The following ZNF208 variants were observed in gnomAD, a reference collection of about 807,000 sequenced individuals.
ZNF208 encodes zinc finger protein 95.
ZNF208 carries 10 observed loss-of-function variants against 12.1 expected under a neutral mutation model. That is an observed-to-expected ratio of 0.83 (90% CI 0.51 to 1.40). The LOEUF (loss-of-function observed/expected upper bound fraction) is 1.40, where lower values mean the gene tolerates loss of function less well. Among genes scored for constraint, ZNF208 ranks in the 40% most tolerant of loss-of-function variants. The pLI is 0.00. For missense variants in ZNF208, 1,652 were observed against 1,485.0 expected, an observed-to-expected ratio of 1.11 and a Z score of -1.85; for synonymous variants, 497 against 488.4, an observed-to-expected ratio of 1.02 and a Z score of -0.23.
chr19:21,987,086 A>G (rs1970640333), intron 3 of ZNF208, 130 bp downstream of exon 3: 2 of 920,968 alleles, frequency 2.2e-6, no homozygotes, highest in Non-Finnish European at 3.1e-6. Flanking sequence ...AAATTAAAGA[A>G]TAAAAATAAA....
At chr19:21,989,740 A>G (rs1970696754) in intron 1 of ZNF208, among the ~76,000 whole-genome samples, 1 of 152,188 alleles carries the variant, frequency 6.6e-6, no homozygotes, top group South Asian at 2.1e-4. Flanking sequence ...CCTCTCCAGC[A>G]CCTGTTGTTT....
intron 4 of ZNF208, among the ~76,000 whole-genome samples, chr19:21,950,812 A>G (rs910388157): frequency 5.9e-5 from 9 of 152,118 alleles, no homozygotes; most frequent in African/African-American, 2.2e-4. Flanking sequence ...CTGTTCATAA[A>G]AGGCCTCAAC....
In ZNF208 at chr19:22,010,822, C is replaced by T; in HGVS notation, c.-28G>A. ...CTAGGCTTCCAGGGGGTCCTGGCGA[C>T]TTAGTTGTGGATCTCCCAATACCTG... On this transcript the variant is annotated 5_prime_UTR_variant, in exon 1 of 4. Transcript: ENST00000397126. 6.2e-7 allele frequency: 1 copy of T among 1,614,018 alleles called. No individual in the cohort carries two copies. The highest frequency in any genetic ancestry group is 8.5e-7 in the Non-Finnish European group (1 of 1,179,922).
intron 3 of ZNF208, among the ~76,000 whole-genome samples, chr19:21,978,314 T>G (rs537166883): frequency 4.6e-5 from 7 of 152,130 alleles, no homozygotes; most frequent in Non-Finnish European, 1.0e-4. Flanking sequence ...AGACACCTCG[T>G]ACAAGAGAGC....
chr19:21,943,495 G>C (rs986840838), intron 4 of ZNF208, among the ~76,000 whole-genome samples: 1 of 152,138 alleles, frequency 6.6e-6, no homozygotes, highest in African/African-American at 2.4e-5. Flanking sequence ...GAATTAACAT[G>C]TCCACATCTT....
chr19:21,991,391 AC>A (rs2145570914), intron 1 of ZNF208: 2 of 152,350 alleles, frequency 1.3e-5, no homozygotes, highest in African/African-American at 4.8e-5. Flanking sequence ...TAAAGTATAA[AC>A]TGAGGGCATA....
chr19:21,995,672 T>G (rs1970822839), intron 1 of ZNF208, among the ~76,000 whole-genome samples: 1 of 152,192 alleles, frequency 6.6e-6, no homozygotes, highest in Non-Finnish European at 1.5e-5. Flanking sequence ...AGCTGTTGGG[T>G]AAGTAGAAGG....
intron 4 of ZNF208, among the ~76,000 whole-genome samples, chr19:21,947,066 A>G (rs181264020): frequency 1.3e-5 from 2 of 151,870 alleles, no homozygotes; most frequent in Non-Finnish European, 2.9e-5. Flanking sequence ...AATCATGCTG[A>G]GTAAAGTCAG....
Position 21,969,946 on chromosome 19 carries a change from G to T in ZNF208, c.*1245C>A, listed in dbSNP as rs1485162244. 6.6e-6 allele frequency among the ~76,000 whole-genome samples: 1 copy of T among 152,086 alleles called. No homozygotes were observed. The highest frequency in any genetic ancestry group is 1.5e-5 in the Non-Finnish European group (1 of 68,002). On this transcript the variant is annotated 3_prime_UTR_variant, in exon 4 of 4. Coordinates refer to ENST00000397126, the MANE Select transcript of ZNF208 (RefSeq NM_007153.3). ...CCAGACAGTCTCTCTCTGTTGCCCA[G>T]GCTAGTGTAAATGCTTTCCTTTGCA... is the stretch of plus-strand genomic sequence containing the variant.
At chr19:22,010,692 G>A in intron 1 of ZNF208, 100 bp downstream of exon 1, 2 of 1,576,442 alleles carry the variant, frequency 1.3e-6, no homozygotes, top group South Asian at 1.1e-5. Context: ...CACAGATGTG[G>A]AGCTGACTGC....
At position 21,971,865 on chromosome 19, in the gene ZNF208, AG is replaced by A. The variant is rs1323537174; in HGVS notation, c.3168del (p.Tyr1057ThrfsTer77). On this transcript the variant is annotated frameshift_variant, in exon 4 of 4. Coordinates refer to ENST00000397126, the MANE Select transcript of ZNF208 (RefSeq NM_007153.3). LOFTEE classifies it low-confidence loss of function (END_TRUNC). ...EHKATHAGEK[P>X]YKCEECGKAF... is the part of the protein sequence containing the mutation. ...GCTTTGCCACATTCTTCACATTTGT[AG>A]GGTTTTTCTCCAGCATGAGTTGCCT... The A allele has an allele frequency of 2.5e-5, 40 of 1,613,358 alleles. No individual in the cohort carries two copies. The highest frequency in any genetic ancestry group is 3.2e-5 in the Non-Finnish European group (38 of 1,179,712).
At chr19:21,958,079 T>C (rs556891208) in intron 4 of ZNF208, among the ~76,000 whole-genome samples, 5 of 152,018 alleles carry the variant, frequency 3.3e-5, no homozygotes, top group Non-Finnish European at 4.4e-5. Context: ...AGTGAGAATA[T>C]GCAGTTTGGT....
rs766693789 is a variant in ZNF208, at chr19:21,973,928, T to C, written c.1106A>G (p.Tyr369Cys). 2.2e-5 allele frequency: 36 copies of C among 1,613,578 alleles called. 1 individual carries two copies. The Admixed American group carries it at 5.7e-4, about 25-fold the overall frequency. ...GGCTTTGCCGCATTCTTCACATTTG[T>C]AGGGTTTCTCTCCAGTATGAATTAC... Reference protein sequence around the residue: ...HKVIHTGEKPYKCEECGKAYK... With the variant: ...HKVIHTGEKPCKCEECGKAYK... The change falls in exon 4 of 4, where the codon TAC (tyrosine) becomes TGC (cysteine). Residue 369 changes from tyrosine (Y) to cysteine (C), a missense_variant. Around this residue, in one of 3 missense-constraint regions of ZNF208, gnomAD observed 1,239 missense variants for 1,086.2 expected, o/e 1.14. Transcript: ENST00000397126.
downstream of ZNF208, among the ~76,000 whole-genome samples, chr19:21,963,956 AG>A (rs1403495474): frequency 3.3e-5 from 5 of 151,976 alleles, no homozygotes; most frequent in Non-Finnish European, 7.4e-5. Context: ...TAAACTATAA[AG>A]TATTGCATAT....
At chr19:21,999,687 T>A (rs546721540) in intron 1 of ZNF208, among the ~76,000 whole-genome samples, 1 of 152,170 alleles carries the variant, frequency 6.6e-6, no homozygotes, top group Non-Finnish European at 1.5e-5. Flanking sequence ...AACCAATATT[T>A]TGCCAAGACA....
At chr19:21,963,920 C>T (rs1441847330), downstream of ZNF208, among the ~76,000 whole-genome samples, 2 of 151,900 alleles carry the variant, frequency 1.3e-5, no homozygotes, top group African/African-American at 4.8e-5. Flanking sequence ...AGTTTTGAGA[C>T]CTATTGCACA....
rs934141305 is a variant in ZNF208 at position 21,969,789 on chromosome 19, C to T, written c.*1402G>A. Among the ~76,000 whole-genome samples the T allele has an allele frequency of 6.6e-5, 10 of 152,184 alleles. No individual in the cohort carries two copies. Among genetic ancestry groups the T allele is most frequent in the Admixed American group, 5.2e-4 (8 of 15,278 alleles). On this transcript the variant is annotated 3_prime_UTR_variant, in exon 4 of 4. Coordinates refer to ENST00000397126, the MANE Select transcript of ZNF208 (RefSeq NM_007153.3). ...TCCTCAAAATAAATATTCTTCTGTA[C>T]TTTAACAGCTTTTATTTTCTGAAAG...
At chr19:21,987,178 A>T (rs771269229) in intron 3 of ZNF208, 38 bp downstream of exon 3, 1 of 1,586,590 alleles carries the variant, frequency 6.3e-7, no homozygotes. Context: ...TTGACTTTCG[A>T]CCTCTCATCC....
downstream of ZNF208, among the ~76,000 whole-genome samples, chr19:21,961,195 G>A (rs1970061916): frequency 6.6e-6 from 1 of 152,150 alleles, no homozygotes; most frequent in Admixed American, 6.5e-5. Context: ...AGTACAAAGA[G>A]AGGAATTTTG....
Sources: allele counts gnomAD v4.1 joint callset (sites outside exome capture counted in the v4.1 genomes callset), GRCh38; gene constraint gnomAD v4.1.1; regional missense constraint gnomAD v4.1.1; transcripts MANE v1.5; gene names NCBI Gene and HGNC (gene_info 2026-07-23, HGNC 2026-07-21).